The following PLOD1 variants were observed in gnomAD, a reference collection of about 807,000 sequenced individuals.
PLOD1 encodes lysine hydroxylase.
Under a neutral mutation model 94.7 loss-of-function variants are expected in PLOD1, and 70 were observed. That is an observed-to-expected ratio of 0.74 (90% CI 0.61 to 0.90). The LOEUF (loss-of-function observed/expected upper bound fraction) is 0.90. Among genes scored for constraint, PLOD1 ranks in the 40% least tolerant of loss-of-function variants. The pLI is 0.00. For synonymous variants in PLOD1, 417 were observed against 400.2 expected, an observed-to-expected ratio of 1.04 and a Z score of -0.50; for missense variants, 905 against 972.7, an observed-to-expected ratio of 0.93 and a Z score of 0.93.
intron 10 of PLOD1, among the ~76,000 whole-genome samples, chr1:11,962,733 A>G (rs1645787669): frequency 6.7e-6 from 1 of 150,194 alleles, no homozygotes; most frequent in Admixed American, 6.7e-5. Flanking sequence ...ACACAGTGAG[A>G]CCCCCATCTC....
chr1:11,969,830 GGC>G (rs2100763794), intron 16 of PLOD1, among the ~76,000 whole-genome samples: 1 of 152,310 alleles, frequency 6.6e-6, no homozygotes, highest in African/African-American at 2.4e-5. Context: ...CCTTTAGCCA[GGC>G]GCAGTGGTTC....
chr1:11,934,987 C>G, intron 1 of PLOD1, 132 bp downstream of exon 1: 2 of 1,153,718 alleles, frequency 1.7e-6, no homozygotes, highest in Non-Finnish European at 2.4e-6. Flanking sequence ...TCCTTGTCCA[C>G]TTAATCGCTG....
intron 1 of PLOD1, among the ~76,000 whole-genome samples, chr1:11,937,020 G>C (rs1177452783): frequency 1.3e-5 from 2 of 151,812 alleles, no homozygotes; most frequent in Non-Finnish European, 2.9e-5. Context: ...GCTAATGTTT[G>C]TATTTTTAGT....
At chr1:11,959,156 G>A (rs1645760456) in intron 9 of PLOD1, among the ~76,000 whole-genome samples, 1 of 151,842 alleles carries the variant, frequency 6.6e-6, no homozygotes, top group Non-Finnish European at 1.5e-5. Context: ...AGTGAGCCGA[G>A]ATTGCGCCAT....
chr1:11,965,474 C>T lies in PLOD1; in HGVS notation c.1471-6C>T, dbSNP rs751904520. The T allele has an allele frequency of 5.0e-6, 8 of 1,588,176 alleles. No individual in the cohort carries two copies. In the Middle Eastern group the frequency reaches 6.7e-4, roughly 132 times the overall value. On this transcript the variant is annotated splice_polypyrimidine_tract_variant and splice_region_variant and intron_variant, in intron 13 of 18. Transcript: ENST00000196061. ...GCGCCTCTTCCACCGGGCCTGTCCTCCCCAGGATGTGTTCATGTTCCTGAC... is the reference window on the plus strand; with the variant it reads ...GCGCCTCTTCCACCGGGCCTGTCCTTCCCAGGATGTGTTCATGTTCCTGAC...
intron 1 of PLOD1, among the ~76,000 whole-genome samples, chr1:11,937,959 T>C (rs1444168744): frequency 1.3e-5 from 2 of 150,624 alleles, no homozygotes; most frequent in Non-Finnish European, 3.0e-5. Context: ...TTTTCTTTTT[T>C]TTTTTTTCTT....
intron 2 of PLOD1, among the ~76,000 whole-genome samples, chr1:11,948,747 TAAAAG>T (rs1446372298): frequency 1.4e-5 from 2 of 146,950 alleles, no homozygotes; most frequent in Non-Finnish European, 3.0e-5. Flanking sequence ...AAAAAGAAAA[TAAAAG>T]AAAAAAGAAA....
chr1:11,964,234 C>T lies in PLOD1; in HGVS notation c.1262C>T (p.Ala421Val), dbSNP rs1163257543. 6.2e-7 allele frequency: 1 copy of T among 1,611,184 alleles called. No homozygotes were observed. Among genetic ancestry groups the T allele is most frequent in the African/African-American group, 1.3e-5 (1 of 74,496 alleles). ...AGGCTGTGGTCGAACTTCTGGGGGG[C>T]TCTCAGTGCAGATGGCTACTATGCC... ...HGRLWSNFWGALSADGYYARS... is the reference protein window; with the variant it reads ...HGRLWSNFWGVLSADGYYARS... The change falls in exon 12 of 19, where the codon GCT becomes GTT. Residue 421 changes from alanine to valine, a missense_variant. Ala to Val is a moderately conservative substitution (Grantham distance 64, BLOSUM62 0). Transcript: ENST00000196061.
At chr1:11,951,686 G>A (rs1464263037) in intron 4 of PLOD1, among the ~76,000 whole-genome samples, 3 of 148,996 alleles carry the variant, frequency 2.0e-5, no homozygotes, top group Non-Finnish European at 4.4e-5. Context: ...TTGGGAGGCC[G>A]AGGTGGGCGG....
chr1:11,947,263 AC>A (rs1645662702), intron 1 of PLOD1, among the ~76,000 whole-genome samples: 2 of 150,514 alleles, frequency 1.3e-5, no homozygotes, highest in Admixed American at 6.6e-5. Context: ...AAACAAACAA[AC>A]AAACAAAAAA....
chr1:11,964,295 G>A lies in PLOD1; in HGVS notation c.1323G>A (p.Arg441=). The A allele has an allele frequency of 3.1e-6, 5 of 1,610,314 alleles. No individual in the cohort carries two copies. Among genetic ancestry groups the A allele is most frequent in the Non-Finnish European group, 4.2e-6 (5 of 1,178,140 alleles). ...SEDYVDIVQG[R]RVGVWNVPYI... is the part of the protein sequence containing the mutation. ...ACTACGTGGACATTGTGCAGGGGCG[G>A]CGTGTGTGAGTACCTGCAGGGTGGG... Residue 441 remains arginine, a synonymous_variant, in exon 12 of 19, where the codon CGG becomes CGA. Coordinates refer to ENST00000196061, the MANE Select transcript of PLOD1 (RefSeq NM_000302.4).
intron 10 of PLOD1, 54 bp downstream of exon 10, chr1:11,960,821 G>T: frequency 6.2e-7 from 1 of 1,607,604 alleles, no homozygotes; most frequent in Non-Finnish European, 8.5e-7. Context: ...GGGAGCTGTG[G>T]CTGTGGTAAG....
intron 1 of PLOD1, among the ~76,000 whole-genome samples, chr1:11,938,422 G>A (rs1404492429): frequency 1.3e-5 from 2 of 152,132 alleles, no homozygotes; most frequent in Admixed American, 6.5e-5. Flanking sequence ...GGAAGGGGGT[G>A]CTGTTGCCTG....
intron 12 of PLOD1, 48 bp from the exon 13 acceptor site, chr1:11,964,596 C>T: frequency 1.3e-6 from 2 of 1,559,366 alleles, no homozygotes; most frequent in Non-Finnish European, 1.8e-6. Context: ...CCTCCATCTT[C>T]CCCACCACCA....
At chr1:11,944,540 G>A (rs1569674671) in intron 1 of PLOD1, 1 of 1,349,244 alleles carries the variant, frequency 7.4e-7, no homozygotes, top group Non-Finnish European at 9.9e-7. Flanking sequence ...TGCCAAGAGG[G>A]CCTCAGAGCT....
At chr1:11,940,297 A>G (rs922265832) in intron 1 of PLOD1, among the ~76,000 whole-genome samples, 4 of 152,120 alleles carry the variant, frequency 2.6e-5, no homozygotes, top group African/African-American at 9.7e-5. Flanking sequence ...TGTTGACATT[A>G]CAGGTGTGAG....
rs773110071 is a variant in PLOD1 at position 11,964,254 on chromosome 1, T to C, written c.1282T>C (p.Tyr428His). 21 of 1,612,674 alleles carry C rather than the reference T, an allele frequency of 1.3e-5. No homozygotes were observed. The highest frequency in any genetic ancestry group is 1.8e-5 in the Non-Finnish European group (21 of 1,179,626). ...GGGGGCTCTCAGTGCAGATGGCTACTATGCCCGTTCCGAGGACTACGTGGA... is the reference window on the plus strand; with the variant it reads ...GGGGGCTCTCAGTGCAGATGGCTACCATGCCCGTTCCGAGGACTACGTGGA... ...FWGALSADGY[Y>H]ARSEDYVDIV... The change falls in exon 12 of 19, where the codon TAT (tyrosine) becomes CAT (histidine). Residue 428 changes from tyrosine (Y) to histidine (H), a missense_variant. Coordinates refer to ENST00000196061, the MANE Select transcript of PLOD1 (RefSeq NM_000302.4).
chr1:11,937,203 C>A (rs572000012), intron 1 of PLOD1, among the ~76,000 whole-genome samples: 24 of 152,344 alleles, frequency 1.6e-4, no homozygotes, highest in African/African-American at 5.8e-4. Context: ...CAAGGCCCCA[C>A]GTCTCCCAGT....
At chr1:11,950,641 C>G (rs1366414260) in intron 4 of PLOD1, 121 bp downstream of exon 4, 2 of 810,862 alleles carry the variant, frequency 2.5e-6, no homozygotes, top group African/African-American at 3.4e-5. Context: ...GCAGAATGTC[C>G]TGAATAGAGC....
Sources: allele counts gnomAD v4.1 joint callset (sites outside exome capture counted in the v4.1 genomes callset), GRCh38; gene constraint gnomAD v4.1.1; transcripts MANE v1.5; gene names NCBI Gene and HGNC (gene_info 2026-07-23, HGNC 2026-07-21).